PTPRG: variants seen among roughly 807,000 people sequenced by gnomAD.
PTPRG encodes the protein receptor-type tyrosine-protein phosphatase gamma.
In PTPRG, 102 loss-of-function variants were observed where a neutral mutation model predicts 165.3. The observed-to-expected ratio is 0.62, with a 90% CI of 0.53 to 0.73. PTPRG has a LOEUF of 0.73. Ranked by LOEUF, PTPRG falls within the 30% of genes least tolerant of loss-of-function variation. The pLI is 0.00. For missense variants in PTPRG, 1,866 were observed against 1,861.4 expected (o/e 1.00, Z -0.05); for synonymous variants, 675 against 669.5 (o/e 1.01, Z -0.13).
chr3:61,654,843 G>C lies in PTPRG; in HGVS notation c.85+92471G>C, dbSNP rs571083379. ...GTCGCCCAGGCTGGAGTGCAGTGGT[G>C]CAATCTCGGCTCACTGCAACCTCTG... On this transcript the variant is annotated intron_variant, in intron 1 of 29. Transcript: ENST00000474889. 7.5e-5 allele frequency among the ~76,000 whole-genome samples: 11 copies of C among 146,054 alleles called. No individual in the cohort carries two copies. The South Asian group carries it at 2.4e-3, about 31-fold the overall frequency.
chr3:61,752,181 C>G (rs2106928096), intron 2 of PTPRG, among the ~76,000 whole-genome samples: 1 of 152,292 alleles, frequency 6.6e-6, no homozygotes, highest in African/African-American at 2.4e-5. Context: ...AAGTTAGATT[C>G]TCTCAGCCAT....
chr3:62,082,748 T>C lies in PTPRG; in HGVS notation c.615+4490T>C, dbSNP rs138074421. On this transcript the variant is annotated intron_variant, in intron 5 of 29. Coordinates refer to ENST00000474889, the MANE Select transcript of PTPRG (RefSeq NM_002841.4). ...AAAAGGTGAAGAGCCAGGTCTGCTG[T>C]TGAGCACAAGTGAAGGAAGGAAGAA... Among the ~76,000 whole-genome samples, 225 of 152,300 alleles carry C rather than the reference T, an allele frequency of 1.5e-3. 2 individuals are homozygous for C. Among genetic ancestry groups the C allele is most frequent in the South Asian group, 0.014 (66 of 4,824 alleles).
chr3:62,271,255 A>G lies in PTPRG; in HGVS notation c.3010-128A>G, dbSNP rs1702050172. On this transcript the variant is annotated intron_variant, in intron 20 of 29. Transcript: ENST00000474889. This position sits in a 1 kb window ranked among gnomAD's most constrained non-coding sequence, Gnocchi z 4.1. ...ATGAAAGTTGGCTACAAGGGGGAAT[A>G]ACCTAGCCTGGGAACAGTGATTAGG... 2.6e-6 allele frequency: 2 copies of G among 762,884 alleles called. No homozygotes were observed. The highest frequency in any genetic ancestry group is 3.4e-5 in the Admixed American group (1 of 29,270). 47.3% of individuals were successfully genotyped at this position (762,884 alleles called of 1,614,324 possible).
At chr3:62,091,356 C>A (rs1050156856) in intron 5 of PTPRG, among the ~76,000 whole-genome samples, 3 of 152,164 alleles carry the variant, frequency 2.0e-5, no homozygotes, top group African/African-American at 7.2e-5. Flanking sequence ...GCATGTCTTT[C>A]TTACTACTTT....
intron 2 of PTPRG, among the ~76,000 whole-genome samples, chr3:61,761,610 C>T (rs2033837796): frequency 6.6e-6 from 1 of 151,524 alleles, no homozygotes; most frequent in African/African-American, 2.4e-5. Context: ...AACAAACAAA[C>T]CGTCATCCTG....
chr3:61,969,161 C>T (rs997598172), intron 2 of PTPRG, among the ~76,000 whole-genome samples: 3 of 152,098 alleles, frequency 2.0e-5, no homozygotes, highest in Admixed American at 2.0e-4. Flanking sequence ...CTGCCTGGCT[C>T]AATGAGTGGT....
At chr3:61,812,542 G>A (rs913635242) in intron 2 of PTPRG, among the ~76,000 whole-genome samples, 2 of 152,258 alleles carry the variant, frequency 1.3e-5, no homozygotes, top group South Asian at 2.1e-4. Flanking sequence ...TGTAATAGAG[G>A]TTGAAGATTA....
At chr3:61,654,670 G>GCCA (rs958789900) in intron 1 of PTPRG, among the ~76,000 whole-genome samples, 1 of 151,974 alleles carries the variant, frequency 6.6e-6, no homozygotes, top group African/African-American at 2.4e-5. Flanking sequence ...ACAGGCGTGA[G>GCCA]CCACCATGCC....
chr3:61,831,775 G>A (rs1559637338), intron 2 of PTPRG, among the ~76,000 whole-genome samples: 1 of 152,092 alleles, frequency 6.6e-6, no homozygotes, highest in East Asian at 1.9e-4. Flanking sequence ...ATATTTTTGT[G>A]CCTTTTTCTC....
At chr3:61,593,400 GA>G (rs4019828) in intron 1 of PTPRG, among the ~76,000 whole-genome samples, 3,803 of 139,008 alleles carry the variant, frequency 0.027, 51 homozygotes, top group African/African-American at 0.031. Context: ...TAATGAATTG[GA>G]AAAAAAAAAA....
intron 4 of PTPRG, among the ~76,000 whole-genome samples, chr3:62,061,966 A>G (rs1700828708): frequency 6.6e-6 from 1 of 151,644 alleles, no homozygotes; most frequent in Non-Finnish European, 1.5e-5. Context: ...TGCTGCTTTT[A>G]CAATGGCTGG....
intron 26 of PTPRG, among the ~76,000 whole-genome samples, chr3:62,278,347 A>G (rs1471310334): frequency 6.6e-6 from 1 of 152,034 alleles, no homozygotes; most frequent in Non-Finnish European, 1.5e-5. Context: ...GTTCCCACTT[A>G]AAGGTCTTTA....
At chr3:61,803,505 G>GCTC (rs1575676429) in intron 2 of PTPRG, among the ~76,000 whole-genome samples, 1 of 148,014 alleles carries the variant, frequency 6.8e-6, no homozygotes, top group African/African-American at 2.5e-5. Context: ...GTCCAACATG[G>GCTC]ACAACATGTA....
At chr3:62,091,812 T>G (rs919370490) in intron 5 of PTPRG, among the ~76,000 whole-genome samples, 1 of 151,912 alleles carries the variant, frequency 6.6e-6, no homozygotes, top group Non-Finnish European at 1.5e-5. Context: ...GGGAGTTGAG[T>G]GGGAGATGTT....
chr3:61,854,539 G>A (rs2037049174), intron 2 of PTPRG, among the ~76,000 whole-genome samples: 2 of 152,096 alleles, frequency 1.3e-5, no homozygotes, highest in Non-Finnish European at 1.5e-5. Flanking sequence ...CATATTCATG[G>A]ACATATGAAT....
intron 5 of PTPRG, among the ~76,000 whole-genome samples, chr3:62,118,999 T>C (rs1173084645): frequency 6.6e-6 from 1 of 152,218 alleles, no homozygotes; most frequent in African/African-American, 2.4e-5. Flanking sequence ...GCAAACATCT[T>C]GTTAGCACCA....
chr3:61,992,915 C>T (rs1023127390), intron 3 of PTPRG, among the ~76,000 whole-genome samples: 1 of 152,036 alleles, frequency 6.6e-6, no homozygotes, highest in Non-Finnish European at 1.5e-5. Flanking sequence ...GATCTGCCTG[C>T]CTCAGCCTCC....
intron 1 of PTPRG, among the ~76,000 whole-genome samples, chr3:61,586,626 A>G (rs762273005): frequency 1.1e-4 from 16 of 152,232 alleles, no homozygotes; most frequent in Non-Finnish European, 2.1e-4. Flanking sequence ...AACTGGTCAT[A>G]GTGATGAGAC....
At position 61,807,927 on chromosome 3, in the gene PTPRG, G is replaced by C. The variant is rs115659506; in HGVS notation, c.190+58945G>C. ...CAGAGCTAGGAGCACTCTGACATAT[G>C]GTTCAACAAAGGCTCGCAGACCGGG... is the stretch of plus-strand genomic sequence containing the variant. On this transcript the variant is annotated intron_variant, in intron 2 of 29. Transcript: ENST00000474889. Among the ~76,000 whole-genome samples the C allele has an allele frequency of 6.5e-3, 994 of 152,272 alleles. 13 individuals are homozygous for C. The highest frequency in any genetic ancestry group is 0.022 in the African/African-American group (919 of 41,562).
Sources: allele counts gnomAD v4.1 joint callset (sites outside exome capture counted in the v4.1 genomes callset), GRCh38; gene constraint gnomAD v4.1.1; non-coding constraint Gnocchi (gnomAD v3.1); transcripts MANE v1.5; gene names NCBI Gene and HGNC (gene_info 2026-07-23, HGNC 2026-07-21).